MFHAS1: variants seen among roughly 807,000 people sequenced by gnomAD.
The protein encoded by MFHAS1 is malignant fibrous histiocytoma-amplified sequence 1.
MFHAS1 carries 50 observed loss-of-function variants against 70.4 expected under a neutral mutation model. The ratio of observed to expected loss-of-function variants is 0.71; its 90% confidence interval spans 0.57 to 0.90. The LOEUF (loss-of-function observed/expected upper bound fraction) is 0.90. MFHAS1 is among the 40% of genes least tolerant of loss of function. MFHAS1 has a pLI of 0.00. For missense variants in MFHAS1, 1,795 were observed against 1,347.6 expected, an observed-to-expected ratio of 1.33 and a Z score of -5.20; for synonymous variants, 952 against 620.0, an observed-to-expected ratio of 1.54 and a Z score of -7.96.
chr8:8,787,113 C>A (rs1051452848), intron 2 of MFHAS1, among the ~76,000 whole-genome samples: 1 of 149,856 alleles, frequency 6.7e-6, no homozygotes, highest in Non-Finnish European at 1.5e-5. Flanking sequence ...CAGAGTCTCG[C>A]TCTGTTGCCC....
At chr8:8,854,091 C>T (rs1808343261) in intron 1 of MFHAS1, among the ~76,000 whole-genome samples, 1 of 152,106 alleles carries the variant, frequency 6.6e-6, no homozygotes, top group Admixed American at 6.5e-5. Flanking sequence ...TATAAGGTTG[C>T]CCAATTTACA....
chr8:8,857,062 G>A (rs1463302744), intron 1 of MFHAS1, among the ~76,000 whole-genome samples: 4 of 149,796 alleles, frequency 2.7e-5, no homozygotes, highest in Non-Finnish European at 4.4e-5. Flanking sequence ...TGGAGGCAGT[G>A]CAGAAGAAAA....
intron 1 of MFHAS1, among the ~76,000 whole-genome samples, chr8:8,829,032 T>A (rs1807270179): frequency 6.6e-6 from 1 of 152,112 alleles, no homozygotes; most frequent in Non-Finnish European, 1.5e-5. Context: ...CCTCTCACAT[T>A]CAAGTGAACT....
intron 1 of MFHAS1, among the ~76,000 whole-genome samples, chr8:8,885,247 T>C (rs1030835657): frequency 2.0e-5 from 3 of 152,172 alleles, no homozygotes; most frequent in Non-Finnish European, 4.4e-5. Flanking sequence ...ACAGTAAAGC[T>C]AAAGAAAGCC....
rs138720400 is a variant in MFHAS1 at position 8,890,952 on chromosome 8, C to T, written c.2107G>A (p.Ala703Thr). 1.1e-5 allele frequency: 18 copies of T among 1,614,012 alleles called. No homozygotes were observed. The highest frequency in any genetic ancestry group is 3.3e-4 in the Middle Eastern group (2 of 6,062). Residue 703 changes from alanine (A) to threonine (T), a missense_variant, in exon 1 of 3, where the codon GCC becomes ACC. Coordinates refer to ENST00000276282, the MANE Select transcript of MFHAS1 (RefSeq NM_004225.3). ...CCGCTCTCATGCAGGTAGGAGAGGGCACTCTGCAGTCGGTCCTCGGTCAGA... is the reference window on the plus strand; with the variant it reads ...CCGCTCTCATGCAGGTAGGAGAGGGTACTCTGCAGTCGGTCCTCGGTCAGA... ...AGLTEDRLQSALSYLHESGKL... is the reference protein window; with the variant it reads ...AGLTEDRLQSTLSYLHESGKL...
At chr8:8,836,446 G>A (rs139988982) in intron 1 of MFHAS1, among the ~76,000 whole-genome samples, 34 of 152,102 alleles carry the variant, frequency 2.2e-4, no homozygotes, top group African/African-American at 6.7e-4. Context: ...TGGCATGATC[G>A]GAACTCACTG....
chr8:8,843,659 G>A (rs907781401), intron 1 of MFHAS1, among the ~76,000 whole-genome samples: 1 of 152,174 alleles, frequency 6.6e-6, no homozygotes, highest in Non-Finnish European at 1.5e-5. Context: ...AGAAAAAGAA[G>A]AAAGTGAAAG....
At chr8:8,848,164 A>G (rs1808102721) in intron 1 of MFHAS1, among the ~76,000 whole-genome samples, 2 of 152,198 alleles carry the variant, frequency 1.3e-5, no homozygotes, top group South Asian at 4.1e-4. Flanking sequence ...TGTCCCTTTT[A>G]GCCGAGCTCC....
intron 2 of MFHAS1, among the ~76,000 whole-genome samples, chr8:8,788,713 A>G (rs904688886): frequency 9.9e-5 from 15 of 152,224 alleles, no homozygotes; most frequent in African/African-American, 3.4e-4. Flanking sequence ...GGAGACATGA[A>G]GAACAGAGTG....
intron 1 of MFHAS1, among the ~76,000 whole-genome samples, chr8:8,850,817 A>C (rs1287866659): frequency 6.6e-6 from 1 of 150,944 alleles, no homozygotes; most frequent in African/African-American, 2.5e-5. Flanking sequence ...GTCTCAAAAA[A>C]AAAAAAAAAA....
chr8:8,824,521 T>TCACACACA lies in MFHAS1; in HGVS notation c.2999-27038_2999-27031dup, dbSNP rs57194505. On this transcript the variant is annotated intron_variant, in intron 1 of 2. Transcript: ENST00000276282. ...GAAAGTCTTTCTCTTTCTCTCTCTT[T>TCACACACA]CACACACACACACACACACACACAC... is the stretch of plus-strand genomic sequence containing the variant. 4.0e-4 allele frequency among the ~76,000 whole-genome samples: 58 copies of TCACACACA among 146,016 alleles called. 1 individual carries two copies. The East Asian group carries it at 7.5e-3, about 19-fold the overall frequency.
At chr8:8,786,178 C>G in intron 2 of MFHAS1, 123 bp from the exon 3 acceptor site, 1 of 910,332 alleles carries the variant, frequency 1.1e-6, no homozygotes, top group Non-Finnish European at 1.8e-6. Context: ...ATTTCTACTT[C>G]CAGGACTCAT....
At chr8:8,882,980 C>A (rs1809586889) in intron 1 of MFHAS1, among the ~76,000 whole-genome samples, 1 of 151,452 alleles carries the variant, frequency 6.6e-6, no homozygotes, top group African/African-American at 2.4e-5. Flanking sequence ...TGGTGAAACC[C>A]TGTGTCTACT....
chr8:8,811,515 T>A (rs1216877518), intron 1 of MFHAS1, among the ~76,000 whole-genome samples: 1 of 152,190 alleles, frequency 6.6e-6, no homozygotes, highest in Non-Finnish European at 1.5e-5. Flanking sequence ...TGGTCTCAAG[T>A]GATCCTCCCA....
At chr8:8,863,462 A>T (rs536878803) in intron 1 of MFHAS1, among the ~76,000 whole-genome samples, 1 of 152,314 alleles carries the variant, frequency 6.6e-6, no homozygotes, top group South Asian at 2.1e-4. Context: ...GAGCATAAAG[A>T]ATTCCTGCCC....
intron 1 of MFHAS1, among the ~76,000 whole-genome samples, chr8:8,806,356 G>A (rs1352982166): frequency 3.3e-5 from 5 of 152,128 alleles, no homozygotes; most frequent in Non-Finnish European, 5.9e-5. Flanking sequence ...AAATATAACT[G>A]GGGGCCAGAA....
At chr8:8,864,577 A>C (rs182183266) in intron 1 of MFHAS1, among the ~76,000 whole-genome samples, 68 of 152,372 alleles carry the variant, frequency 4.5e-4, no homozygotes, top group Middle Eastern at 3.4e-3. Context: ...TATTTCTCCT[A>C]AAATCCTCAT....
chr8:8,807,775 G>A (rs1343846938), intron 1 of MFHAS1, among the ~76,000 whole-genome samples: 1 of 152,162 alleles, frequency 6.6e-6, no homozygotes, highest in Non-Finnish European at 1.5e-5. Flanking sequence ...AACTTCCGAG[G>A]TCAATGTTGC....
chr8:8,891,841 C>T lies in MFHAS1; in HGVS notation c.1218G>A (p.Val406=). ...QKELAHSQPA[V]QPRLKLLLMG... is the part of the protein sequence containing the mutation. ...TCAGGAGCAGCTTGAGCCGGGGCTG[C>T]ACCGCCGGCTGGGAATGAGCCAGTT... The change falls in exon 1 of 3, where the codon GTG becomes GTA. Residue 406 remains valine (V), a synonymous_variant. Transcript: ENST00000276282. This position sits in a 1 kb window ranked among gnomAD's most constrained non-coding sequence, Gnocchi z 5.4. The T allele has an allele frequency of 6.2e-7, 1 of 1,612,804 alleles. No homozygotes were observed. Among genetic ancestry groups the T allele is most frequent in the Non-Finnish European group, 8.5e-7 (1 of 1,179,770 alleles).
Sources: gnomAD v4.1 joint callset for allele counts (sites outside exome capture counted in the v4.1 genomes callset) on GRCh38, gnomAD v4.1.1 for gene constraint, Gnocchi (gnomAD v3.1) non-coding constraint, MANE v1.5 for transcripts, NCBI Gene and HGNC (gene_info 2026-07-23, HGNC 2026-07-21) for gene names.